ABI1: variants seen among roughly 807,000 people sequenced by gnomAD.
The protein encoded by ABI1 is abl interactor 1.
In ABI1, 14 loss-of-function variants were observed where a neutral mutation model predicts 54.6. The observed-to-expected ratio is 0.26, with a 90% confidence interval of 0.17 to 0.40. The LOEUF is 0.40. Ranked by LOEUF, ABI1 falls within the 10% of genes least tolerant of loss-of-function variation. The probability of loss-of-function intolerance (pLI) is 1.00; values close to 1 mark genes in which losing one functional copy is unlikely to be tolerated. For missense variants in ABI1, 443 were observed against 598.3 expected, an observed-to-expected ratio of 0.74 and a Z score of 2.71; for synonymous variants, 194 against 209.3, an observed-to-expected ratio of 0.93 and a Z score of 0.63.
intron 2 of ABI1, among the ~76,000 whole-genome samples, chr10:26,786,377 G>T (rs1213064355): frequency 2.0e-5 from 3 of 151,988 alleles, no homozygotes; most frequent in African/African-American, 7.3e-5. Flanking sequence ...CCCACACCCG[G>T]CTTATTTTTG....
intron 2 of ABI1, among the ~76,000 whole-genome samples, chr10:26,787,319 A>T (rs1430318159): frequency 1.3e-5 from 2 of 152,196 alleles, no homozygotes; most frequent in Non-Finnish European, 2.9e-5. Flanking sequence ...CCAGTCCTCA[A>T]GGGAAAAATT....
Position 26,860,838 on chromosome 10 carries a change from T to A in ABI1, c.26A>T (p.Glu9Val). The change falls in exon 1 of 11, where the codon GAG (glutamate) becomes GTG (valine). Residue 9 changes from glutamate (E) to valine (V), a missense_variant. Physicochemically the swap from Glu to Val is moderately radical, Grantham distance 121 (BLOSUM62 -2). Coordinates refer to ENST00000376140, the MANE Select transcript of ABI1 (RefSeq NM_001012750.3). This position sits in a 1 kb window ranked among gnomAD's most constrained non-coding sequence, Gnocchi z 4.1. MAELQMLL[E>V]EEIPSGKRAL... ...CCTCTTGCCAGACGGGATCTCCTCC[T>A]CTAGTAACATCTGCAGCTCTGCCAT... 6.2e-7 allele frequency: 1 copy of A among 1,614,116 alleles called. No individual in the cohort carries two copies. Among genetic ancestry groups the A allele is most frequent in the Non-Finnish European group, 8.5e-7 (1 of 1,180,004 alleles).
intron 2 of ABI1, among the ~76,000 whole-genome samples, chr10:26,812,544 G>GA (rs143878632): frequency 0.02 from 3,109 of 152,272 alleles, 77 homozygotes; most frequent in African/African-American, 0.065. Context: ...GTATAAAAGT[G>GA]ATAGTGCTAA....
At chr10:26,786,232 T>C (rs1277419450) in intron 2 of ABI1, among the ~76,000 whole-genome samples, 1 of 151,228 alleles carries the variant, frequency 6.6e-6, no homozygotes, top group South Asian at 2.1e-4. Flanking sequence ...TTTTTTTTTT[T>C]TGACAGGGTC....
chr10:26,772,474 T>C (rs1417430929), intron 3 of ABI1, among the ~76,000 whole-genome samples: 2 of 152,078 alleles, frequency 1.3e-5, no homozygotes. Flanking sequence ...AACAAAAAAA[T>C]TAGCATTCAA....
At chr10:26,827,256 C>G (rs1213066992) in intron 1 of ABI1, among the ~76,000 whole-genome samples, 1 of 150,120 alleles carries the variant, frequency 6.7e-6, no homozygotes, top group African/African-American at 2.5e-5. Flanking sequence ...GAGTCTCACT[C>G]TGTCGCCCAG....
intron 3 of ABI1, among the ~76,000 whole-genome samples, chr10:26,775,134 A>G (rs1424216365): frequency 6.6e-6 from 1 of 152,168 alleles, no homozygotes; most frequent in East Asian, 1.9e-4. Flanking sequence ...TACTACCAAA[A>G]TTTCTACCTT....
chr10:26,752,258 G>A (rs893223840), intron 9 of ABI1, among the ~76,000 whole-genome samples: 3 of 152,100 alleles, frequency 2.0e-5, no homozygotes, highest in Non-Finnish European at 4.4e-5. Context: ...AGTCTCCTGT[G>A]GACAGATTTT....
chr10:26,771,170 T>A, intron 3 of ABI1, 81 bp from the exon 4 acceptor site: 1 of 1,445,020 alleles, frequency 6.9e-7, no homozygotes, highest in East Asian at 2.3e-5. Context: ...GGTTTACATT[T>A]ACAGTTACTC....
At chr10:26,783,683 T>C (rs1412635158) in intron 2 of ABI1, among the ~76,000 whole-genome samples, 1 of 152,214 alleles carries the variant, frequency 6.6e-6, no homozygotes, top group African/African-American at 2.4e-5. Flanking sequence ...GTCTACTCTC[T>C]GGGTGGCAAC....
At chr10:26,822,760 T>C (rs1238995459) in intron 2 of ABI1, among the ~76,000 whole-genome samples, 1 of 152,176 alleles carries the variant, frequency 6.6e-6, no homozygotes, top group African/African-American at 2.4e-5. Context: ...TGGTTCATTA[T>C]CTTGAATGTG....
chr10:26,833,541 T>TGTTATATACTTAA (rs2048825766), intron 1 of ABI1, among the ~76,000 whole-genome samples: 1 of 152,178 alleles, frequency 6.6e-6, no homozygotes. Flanking sequence ...ACACATAATC[T>TGTTATATACTTAA]GTTATATACT....
At chr10:26,847,459 C>CA (rs1244259201) in intron 1 of ABI1, among the ~76,000 whole-genome samples, 3 of 151,824 alleles carry the variant, frequency 2.0e-5, no homozygotes, top group Non-Finnish European at 2.9e-5. Context: ...CTGTCCTTAA[C>CA]AAAAAAATAA....
At chr10:26,811,115 A>T (rs1009202230) in intron 2 of ABI1, among the ~76,000 whole-genome samples, 1 of 152,186 alleles carries the variant, frequency 6.6e-6, no homozygotes, top group Non-Finnish European at 1.5e-5. Context: ...AACTAAGGTT[A>T]TAAGTAAGCT....
chr10:26,836,310 A>C (rs1269406237), intron 1 of ABI1, among the ~76,000 whole-genome samples: 1 of 151,824 alleles, frequency 6.6e-6, no homozygotes, highest in Non-Finnish European at 1.5e-5. Context: ...ACAGGGTTTC[A>C]CCATGTTAGC....
Position 26,858,537 on chromosome 10 carries a change from GAAAAAAAAA to G in ABI1, c.117+2201_117+2209del, listed in dbSNP as rs60132421. On this transcript the variant is annotated intron_variant, in intron 1 of 10. Coordinates refer to ENST00000376140, the MANE Select transcript of ABI1 (RefSeq NM_001012750.3). Reference sequence around the variant, plus strand: ...ACCCCACCCCGCCCCCACAAAAAAAGAAAAAAAAAAAAAAAAAAAAAAAAAACGGGGCCA... The same window carrying G: ...ACCCCACCCCGCCCCCACAAAAAAAGAAAAAAAAAAAAAAAAACGGGGCCA... Among the ~76,000 whole-genome samples, 253 of 94,260 alleles carry G rather than the reference GAAAAAAAAA, an allele frequency of 2.7e-3. No individual in the cohort carries two copies. The East Asian group carries it at 0.029, about 11-fold the overall frequency. The allele number at this position is 94,260 out of a possible 152,430, so 61.8% of individuals were successfully genotyped here. A position where few individuals can be genotyped will look rare whatever the true frequency, so the allele number is the denominator to read the frequency against.
intron 2 of ABI1, among the ~76,000 whole-genome samples, chr10:26,778,831 A>T (rs1363853249): frequency 6.6e-6 from 1 of 152,162 alleles, no homozygotes; most frequent in African/African-American, 2.4e-5. Flanking sequence ...CCTCCAGGAG[A>T]AAGGTTTTCT....
At chr10:26,837,015 C>T (rs189979757) in intron 1 of ABI1, among the ~76,000 whole-genome samples, 11 of 152,308 alleles carry the variant, frequency 7.2e-5, no homozygotes, top group African/African-American at 2.6e-4. Context: ...GTTTTCTAAA[C>T]TAGTCCAGTA....
intron 2 of ABI1, among the ~76,000 whole-genome samples, chr10:26,788,075 G>C (rs571084714): frequency 1.3e-5 from 2 of 152,334 alleles, no homozygotes; most frequent in East Asian, 3.9e-4. Flanking sequence ...CATAGTGGGA[G>C]ATAATTTTAA....
Sources: allele counts gnomAD v4.1 joint callset (sites outside exome capture counted in the v4.1 genomes callset), GRCh38; gene constraint gnomAD v4.1.1; non-coding constraint Gnocchi (gnomAD v3.1); transcripts MANE v1.5; gene names NCBI Gene and HGNC (gene_info 2026-07-23, HGNC 2026-07-21).